The following GFPT1 variants were observed in gnomAD, a reference collection of about 807,000 sequenced individuals.
The protein encoded by GFPT1 is glutamine--fructose-6-phosphate transaminase 1, also known as glutamine--fructose-6-phosphate aminotransferase [isomerizing] 1.
GFPT1 carries 40 observed loss-of-function variants against 92.0 expected under a neutral mutation model. The observed-to-expected ratio is 0.43, with a 90% CI of 0.34 to 0.57. The LOEUF is 0.57. Ranked by LOEUF, GFPT1 falls within the 20% of genes least tolerant of loss-of-function variation. GFPT1 has a pLI of 0.02. For synonymous variants in GFPT1, 269 were observed against 280.6 expected (o/e 0.96, Z 0.41); for missense variants, 448 against 869.1 (o/e 0.52, Z 6.09).
In GFPT1 at chr2:69,374,088, A is replaced by G. The variant is rs373396551; in HGVS notation, c.33T>C (p.His11=). 6.3e-6 allele frequency: 10 copies of G among 1,587,454 alleles called. No individual in the cohort carries two copies. The African/African-American group carries it at 6.7e-5, about 11-fold the overall frequency. MCGIFAYLNY[H]VPRTRREILE... is the part of the protein sequence containing the mutation. ...GGATTTCTCGTCTCGTTCGAGGAAC[A>G]TGGTAGTTTAAGTAAGCAAATATAC... The change falls in exon 2 of 20, where the codon CAT becomes CAC. Residue 11 remains histidine, a synonymous_variant. Coordinates refer to ENST00000357308, the MANE Select transcript of GFPT1 (RefSeq NM_001244710.2).
At chr2:69,339,717 AC>A (rs1670889869) in intron 13 of GFPT1, among the ~76,000 whole-genome samples, 1 of 152,132 alleles carries the variant, frequency 6.6e-6, no homozygotes, top group African/African-American at 2.4e-5. Context: ...ATAGCCCTTA[AC>A]TTTTGCTTGC....
chr2:69,374,551 G>C (rs1026380215), intron 1 of GFPT1, among the ~76,000 whole-genome samples: 5 of 152,108 alleles, frequency 3.3e-5, no homozygotes, highest in Admixed American at 3.3e-4. Flanking sequence ...CTGACCTCGT[G>C]ATCTGCCCGC....
chr2:69,341,864 T>C (rs891345162), intron 13 of GFPT1, among the ~76,000 whole-genome samples: 5 of 152,310 alleles, frequency 3.3e-5, no homozygotes, highest in Middle Eastern at 3.4e-3. Flanking sequence ...GCAAGCTCCC[T>C]AGGCTACAAG....
intron 4 of GFPT1, among the ~76,000 whole-genome samples, chr2:69,362,269 T>C (rs988744614): frequency 2.0e-5 from 3 of 151,980 alleles, no homozygotes; most frequent in East Asian, 3.9e-4. Flanking sequence ...GCTGGGACTA[T>C]GGGCGCATGC....
intron 3 of GFPT1, among the ~76,000 whole-genome samples, chr2:69,368,682 T>C (rs368889878): frequency 9.2e-5 from 14 of 151,752 alleles, no homozygotes; most frequent in African/African-American, 3.1e-4. Flanking sequence ...TGAACCAAGA[T>C]TGCACCATTG....
Position 69,345,923 on chromosome 2 carries a change from G to T in GFPT1, c.1086C>A (p.Val362=). 1 of 1,575,474 alleles carries T rather than the reference G, an allele frequency of 6.3e-7. No individual in the cohort carries two copies. Among genetic ancestry groups the T allele is most frequent in the Non-Finnish European group, 8.7e-7 (1 of 1,145,064 alleles). ...ESVVNTMRGR[V]NFDDYTVNLG... ...AATTACCAGTATAGTCATCAAAGTT[G>T]ACTCTTCCTCTCATTGTGTTCACGA... is the stretch of plus-strand genomic sequence containing the variant. Residue 362 remains valine (V), a synonymous_variant, in exon 12 of 20, where the codon GTC becomes GTA. Transcript: ENST00000357308.
At chr2:69,334,847 C>T (rs1463277046) in intron 15 of GFPT1, among the ~76,000 whole-genome samples, 1 of 152,018 alleles carries the variant, frequency 6.6e-6, no homozygotes, top group African/African-American at 2.4e-5. Flanking sequence ...TAAGGATTGA[C>T]TACAAAGAAA....
chr2:69,383,019 A>T (rs1672046538), intron 1 of GFPT1, among the ~76,000 whole-genome samples: 1 of 152,248 alleles, frequency 6.6e-6, no homozygotes, highest in South Asian at 2.1e-4. Context: ...TGCAAAGGGC[A>T]GAGTGCCAAG....
intron 15 of GFPT1, among the ~76,000 whole-genome samples, chr2:69,337,612 G>A (rs1006054508): frequency 6.6e-6 from 1 of 152,130 alleles, no homozygotes; most frequent in Non-Finnish European, 1.5e-5. Flanking sequence ...GACAAGGATA[G>A]CCAGCAGAGA....
At chr2:69,331,972 T>C (rs905559244) in intron 15 of GFPT1, among the ~76,000 whole-genome samples, 2 of 152,220 alleles carry the variant, frequency 1.3e-5, no homozygotes, top group Non-Finnish European at 2.9e-5. Context: ...AACTTTTACG[T>C]AGTACTTTTA....
At chr2:69,326,418 A>C (rs1670533682) in intron 19 of GFPT1, among the ~76,000 whole-genome samples, 185 bp from the exon 20 acceptor site, 1 of 152,220 alleles carries the variant, frequency 6.6e-6, no homozygotes, top group Non-Finnish European at 1.5e-5. Flanking sequence ...TCCTGAAAAA[A>C]ACTGAAATTG....
intron 1 of GFPT1, among the ~76,000 whole-genome samples, chr2:69,382,974 T>C (rs1290912404): frequency 6.6e-6 from 1 of 152,212 alleles, no homozygotes; most frequent in African/African-American, 2.4e-5. Context: ...CAGGCAGCAA[T>C]TTCTTGAAGG....
intron 3 of GFPT1, among the ~76,000 whole-genome samples, chr2:69,369,789 C>T (rs1671698143): frequency 6.6e-6 from 1 of 152,090 alleles, no homozygotes; most frequent in South Asian, 2.1e-4. Flanking sequence ...ATTTCCTTCC[C>T]TAGTTGCAAT....
chr2:69,378,577 T>C (rs893681566), intron 1 of GFPT1, among the ~76,000 whole-genome samples: 4 of 152,210 alleles, frequency 2.6e-5, no homozygotes, highest in African/African-American at 7.2e-5. Context: ...AAAAAAGCAA[T>C]TATGAGCACC....
intron 13 of GFPT1, among the ~76,000 whole-genome samples, chr2:69,340,374 T>G (rs1443505272): frequency 6.6e-6 from 1 of 152,104 alleles, no homozygotes; most frequent in African/African-American, 2.4e-5. Context: ...TCCATCACAA[T>G]AGAGTAACTT....
intron 11 of GFPT1, among the ~76,000 whole-genome samples, 165 bp from the exon 12 acceptor site, chr2:69,346,164 T>A (rs1172814887): frequency 6.6e-6 from 1 of 151,972 alleles, no homozygotes; most frequent in Non-Finnish European, 1.5e-5. Flanking sequence ...TTTTACTCTG[T>A]GGAAAAAAAT....
intron 17 of GFPT1, 50 bp from the exon 18 acceptor site, chr2:69,328,488 T>C (rs762356879): frequency 8.8e-6 from 12 of 1,359,068 alleles, no homozygotes; most frequent in South Asian, 1.2e-5. Context: ...CAAAAATCCA[T>C]GTTTAAGTAA....
chr2:69,376,104 T>C (rs1201384321), intron 1 of GFPT1, among the ~76,000 whole-genome samples: 1 of 152,262 alleles, frequency 6.6e-6, no homozygotes, highest in East Asian at 1.9e-4. Flanking sequence ...CACCTATGGG[T>C]CACTGATCTT....
rs905153050 is a variant in GFPT1, at chr2:69,321,710, T to G, written c.*4479A>C. The G allele has an allele frequency of 6.6e-6, 1 of 152,324 alleles. No homozygotes were observed. Among genetic ancestry groups the G allele is most frequent in the Non-Finnish European group, 1.5e-5 (1 of 68,028 alleles). The allele number at this position is 152,324 out of a possible 1,614,324, so 9.4% of individuals were successfully genotyped here. The stretch of plus-strand genomic sequence containing the variant: ...GTAATTTAAACAAATACCAAAAGCT[T>G]TATTTAAGCAAAAACACATTCAACC... On this transcript the variant is annotated 3_prime_UTR_variant, in exon 20 of 20. Coordinates refer to ENST00000357308, the MANE Select transcript of GFPT1 (RefSeq NM_001244710.2).
Sources: allele counts gnomAD v4.1 joint callset (sites outside exome capture counted in the v4.1 genomes callset), GRCh38; gene constraint gnomAD v4.1.1; transcripts MANE v1.5; gene names NCBI Gene and HGNC (gene_info 2026-07-23, HGNC 2026-07-21).